Variants in CYRIB observed in about 807,000 individuals in gnomAD.
CYRIB encodes the protein CYFIP-related Rac1 interactor B.
CYRIB carries 8 observed loss-of-function variants against 44.2 expected under a neutral mutation model. The observed-to-expected ratio is 0.18, with a 90% CI of 0.11 to 0.33. The LOEUF is 0.33. CYRIB is among the 10% of genes least tolerant of loss of function. The pLI is 1.00. For missense variants in CYRIB, 185 were observed against 382.8 expected (o/e 0.48, Z 4.31); for synonymous variants, 131 against 127.2 (o/e 1.03, Z -0.20).
At chr8:129,887,206 C>T (rs947049664) in intron 2 of CYRIB, among the ~76,000 whole-genome samples, 37 of 152,262 alleles carry the variant, frequency 2.4e-4, no homozygotes, top group African/African-American at 8.4e-4. Context: ...CTGCTCCCTG[C>T]ATCCCAGCCA....
At chr8:129,863,052 T>C (rs1361310614) in intron 4 of CYRIB, among the ~76,000 whole-genome samples, 1 of 152,232 alleles carries the variant, frequency 6.6e-6, no homozygotes, top group Non-Finnish European at 1.5e-5. Context: ...CAGAGTCTCT[T>C]AGTATTTCTT....
At chr8:129,880,222 G>A (rs529302699) in intron 2 of CYRIB, among the ~76,000 whole-genome samples, 2 of 152,314 alleles carry the variant, frequency 1.3e-5, no homozygotes, top group East Asian at 3.9e-4. Flanking sequence ...ATATGATGGT[G>A]ATGTTTGCCT....
chr8:129,850,374 GA>G (rs1225420856), intron 9 of CYRIB: 57 of 152,694 alleles, frequency 3.7e-4, no homozygotes, highest in Non-Finnish European at 5.8e-4. Flanking sequence ...GTTCGTGTTG[GA>G]AAAAAAAAAG....
chr8:129,933,310 G>C (rs910688245), intron 1 of CYRIB, among the ~76,000 whole-genome samples: 1 of 152,142 alleles, frequency 6.6e-6, no homozygotes, highest in African/African-American at 2.4e-5. Flanking sequence ...GAATGGGGCT[G>C]AGGTCTCCCT....
At chr8:130,005,129 TA>T (rs112499604) in intron 1 of CYRIB, among the ~76,000 whole-genome samples, 7,973 of 152,224 alleles carry the variant, frequency 0.052, 282 homozygotes, top group Non-Finnish European at 0.077. Flanking sequence ...CAGAATTTTT[TA>T]TTTTTTATTT....
intron 2 of CYRIB, chr8:129,902,998 T>C (rs2073138707): frequency 6.6e-6 from 1 of 152,478 alleles, no homozygotes; most frequent in Non-Finnish European, 1.5e-5. Context: ...TTTAAACTAC[T>C]AAAATTATGG....
chr8:129,992,767 TAAC>T (rs1185154432), intron 1 of CYRIB, among the ~76,000 whole-genome samples: 1 of 152,162 alleles, frequency 6.6e-6, no homozygotes, highest in Non-Finnish European at 1.5e-5. Flanking sequence ...TTGAGATCGC[TAAC>T]AACAAGAAAA....
rs139301459 is a variant in CYRIB, at chr8:129,947,661, T to G, written c.-243+23282A>C. Among the ~76,000 whole-genome samples the G allele has an allele frequency of 4.6e-4, 70 of 152,282 alleles. No homozygotes were observed. In the South Asian group the frequency reaches 0.01, roughly 22 times the overall value. ...CAGCAAAAAAATTTGAAAATACATA[T>G]GAGCAAATGAAAGAAAAAATAAACA... On this transcript the variant is annotated intron_variant, in intron 2 of 14. Coordinates refer to the CYRIB transcript ENST00000401979.
At chr8:129,883,961 C>G (rs1175509895) in intron 2 of CYRIB, among the ~76,000 whole-genome samples, 1 of 152,210 alleles carries the variant, frequency 6.6e-6, no homozygotes, top group Admixed American at 6.5e-5. Flanking sequence ...AGCAGCAGAA[C>G]TTATGGAATG....
Position 129,962,460 on chromosome 8 carries a change from T to C in CYRIB, c.-243+8483A>G, listed in dbSNP as rs146566025. ...CTTGTCTCAAAAAAATGAAATAACA[T>C]AAATTAAAATAAAAATAAACGTGGG... is the stretch of plus-strand genomic sequence containing the variant. On this transcript the variant is annotated intron_variant, in intron 2 of 14. Transcript: ENST00000401979. 1.2e-4 allele frequency among the ~76,000 whole-genome samples: 18 copies of C among 151,982 alleles called. No individual in the cohort carries two copies. In the East Asian group the frequency reaches 3.1e-3, roughly 26 times the overall value.
At chr8:129,854,444 T>C (rs2045036825) in intron 6 of CYRIB, 101 bp from the exon 9 acceptor site, 4 of 756,600 alleles carry the variant, frequency 5.3e-6, no homozygotes, top group Non-Finnish European at 8.5e-6. Flanking sequence ...AAACATTCCA[T>C]AATTCATAGT....
intron 2 of CYRIB, chr8:129,896,911 T>G (rs1387865500): frequency 6.6e-6 from 1 of 152,250 alleles, no homozygotes; most frequent in East Asian, 1.9e-4. Flanking sequence ...GTGTCATTCC[T>G]AGTCACCTCA....
chr8:129,924,800 T>C (rs1282290909), intron 1 of CYRIB, among the ~76,000 whole-genome samples: 19 of 151,822 alleles, frequency 1.3e-4, no homozygotes, highest in South Asian at 4.2e-4. Flanking sequence ...AACCCGTCTC[T>C]ACAAAAAAAT....
At chr8:129,919,025 ATTATT>A (rs2082182844) in intron 1 of CYRIB, among the ~76,000 whole-genome samples, 1 of 152,198 alleles carries the variant, frequency 6.6e-6, no homozygotes, top group Admixed American at 6.5e-5. Flanking sequence ...TAGTTTTTAA[ATTATT>A]TTATTTTACT....
At chr8:129,872,231 C>G (rs926888262) in intron 3 of CYRIB, among the ~76,000 whole-genome samples, 2 of 152,072 alleles carry the variant, frequency 1.3e-5, no homozygotes, top group African/African-American at 4.8e-5. Flanking sequence ...ATACTTTAAG[C>G]TACACTACAA....
chr8:129,936,112 G>C (rs1022854905), intron 1 of CYRIB, among the ~76,000 whole-genome samples: 4 of 152,104 alleles, frequency 2.6e-5, no homozygotes, highest in Admixed American at 6.6e-5. Flanking sequence ...AAAAAGTTTT[G>C]AGATTTGCTG....
chr8:129,850,863 T>C (rs1409857931), exon 9 of CYRIB: 2 of 1,613,094 alleles, frequency 1.2e-6, no homozygotes, highest in Non-Finnish European at 1.7e-6. Context: ...CTGCATACAC[T>C]AGCCATTGTG....
At chr8:129,886,788 G>A (rs2062941467) in intron 2 of CYRIB, among the ~76,000 whole-genome samples, 1 of 151,924 alleles carries the variant, frequency 6.6e-6, no homozygotes, top group East Asian at 1.9e-4. Context: ...TTAGCTTAAA[G>A]GGCAGCACGT....
Position 129,934,122 on chromosome 8 carries a change from G to GC in CYRIB, c.-50+5485dup, listed in dbSNP as rs2092335850. On this transcript the variant is annotated intron_variant, in intron 1 of 11. Coordinates refer to ENST00000519824, the Ensembl canonical transcript of CYRIB. Reference sequence around the variant, plus strand: ...AAGGAGGCAGCCTCCACCTACAGGTGCCCCTTGGGGTTTTGAACGCTTTAC... The same window carrying GC: ...AAGGAGGCAGCCTCCACCTACAGGTGCCCCCTTGGGGTTTTGAACGCTTTAC... Among the ~76,000 whole-genome samples the GC allele has an allele frequency of 2.0e-5, 3 of 152,240 alleles. No individual in the cohort carries two copies. In the South Asian group the frequency reaches 6.2e-4, roughly 32 times the overall value.
Sources: gnomAD v4.1 joint callset for allele counts (sites outside exome capture counted in the v4.1 genomes callset) on GRCh38, gnomAD v4.1.1 for gene constraint, MANE v1.5 for transcripts, NCBI Gene and HGNC (gene_info 2026-07-23, HGNC 2026-07-21) for gene names.